HIVEP1: variants seen among roughly 807,000 people sequenced by gnomAD.
HIVEP1 encodes the protein zinc finger protein 40.
HIVEP1 carries 36 observed loss-of-function variants against 180.0 expected under a neutral mutation model. That is an observed-to-expected ratio of 0.20 (90% confidence interval 0.15 to 0.26). The LOEUF is 0.26. HIVEP1 is among the 10% of genes least tolerant of loss of function. The pLI, the probability that HIVEP1 is intolerant of heterozygous loss-of-function variation, is 1.00. For synonymous variants in HIVEP1, 1,239 were observed against 1,239.0 expected, an observed-to-expected ratio of 1.00 and a Z score of 0.00; for missense variants, 3,143 against 3,268.7, an observed-to-expected ratio of 0.96 and a Z score of 0.94.
intron 2 of HIVEP1, among the ~76,000 whole-genome samples, chr6:12,017,597 A>T (rs564162411): frequency 1.3e-3 from 204 of 152,224 alleles, no homozygotes; most frequent in African/African-American, 4.7e-3. Context: ...CATCCTGCTG[A>T]TTGGTCCGTT....
chr6:12,209,229 C>T, the HIVEP1 span, among the ~76,000 whole-genome samples: 1 of 152,130 alleles, frequency 6.6e-6, no homozygotes, highest in Non-Finnish European at 1.5e-5. Flanking sequence ...GTCAGGAGAT[C>T]GAGACCATCC....
At chr6:12,166,000 A>T (rs912669677), downstream of HIVEP1, among the ~76,000 whole-genome samples, 1 of 152,230 alleles carries the variant, frequency 6.6e-6, no homozygotes, top group African/African-American at 2.4e-5. Flanking sequence ...TTACATTTAC[A>T]TATTTCCATA....
At chr6:12,202,882 TC>T in the HIVEP1 span, among the ~76,000 whole-genome samples, 1 of 152,166 alleles carries the variant, frequency 6.6e-6, no homozygotes, top group East Asian at 1.9e-4. Context: ...AATTCCCTCT[TC>T]TTTCAATTGT....
the HIVEP1 span, among the ~76,000 whole-genome samples, chr6:12,186,964 C>T: frequency 6.6e-6 from 1 of 150,560 alleles, no homozygotes; most frequent in South Asian, 2.1e-4. Flanking sequence ...AAATCTGGAA[C>T]TAAAAAAGTC....
chr6:12,167,426 A>G (rs1294159558), downstream of HIVEP1, among the ~76,000 whole-genome samples: 1 of 151,214 alleles, frequency 6.6e-6, no homozygotes, highest in African/African-American at 2.4e-5. Context: ...ATAAATTCTA[A>G]ATACAGCATG....
At chr6:12,047,269 C>T (rs572957449) in intron 2 of HIVEP1, among the ~76,000 whole-genome samples, 6 of 152,308 alleles carry the variant, frequency 3.9e-5, no homozygotes, top group East Asian at 3.9e-4. Flanking sequence ...AGTCTTGTAA[C>T]GTTTTGGGAC....
At chr6:12,195,116 A>G in the HIVEP1 span, among the ~76,000 whole-genome samples, 1 of 152,248 alleles carries the variant, frequency 6.6e-6, no homozygotes, top group Non-Finnish European at 1.5e-5. Context: ...TGTTAGAAAT[A>G]CGTTTTCATC....
chr6:12,108,872 C>T (rs764733201), intron 3 of HIVEP1, among the ~76,000 whole-genome samples: 16 of 152,246 alleles, frequency 1.1e-4, no homozygotes, highest in Non-Finnish European at 1.8e-4. Context: ...TCCTCAGGTG[C>T]CGCCAAAGTG....
At chr6:12,115,420 C>T (rs2113480389) in intron 3 of HIVEP1, among the ~76,000 whole-genome samples, 1 of 142,118 alleles carries the variant, frequency 7.0e-6, no homozygotes, top group Admixed American at 7.2e-5. Context: ...TTCTTGACTC[C>T]CTAACTGATG....
At chr6:12,182,029 T>C in the HIVEP1 span, among the ~76,000 whole-genome samples, 2 of 152,180 alleles carry the variant, frequency 1.3e-5, no homozygotes, top group Non-Finnish European at 2.9e-5. Flanking sequence ...ATATCCAAAT[T>C]CATTATTCTG....
intron 2 of HIVEP1, among the ~76,000 whole-genome samples, chr6:12,041,148 A>G (rs1769665433): frequency 6.6e-6 from 1 of 152,124 alleles, no homozygotes; most frequent in African/African-American, 2.4e-5. Context: ...AGCCGGGCGC[A>G]GTGTGGCTCA....
At chr6:12,024,849 A>G (rs1479363803) in intron 2 of HIVEP1, among the ~76,000 whole-genome samples, 1 of 152,218 alleles carries the variant, frequency 6.6e-6, no homozygotes, top group Non-Finnish European at 1.5e-5. Context: ...CTCTGAGAGA[A>G]TTACACATTT....
At chr6:12,027,468 A>G (rs1476115926) in intron 2 of HIVEP1, among the ~76,000 whole-genome samples, 1 of 152,222 alleles carries the variant, frequency 6.6e-6, no homozygotes, top group East Asian at 1.9e-4. Flanking sequence ...TCTCAACCCA[A>G]AAGGATTAGA....
At chr6:12,167,938 A>G (rs1253814846), downstream of HIVEP1, among the ~76,000 whole-genome samples, 1 of 96,334 alleles carries the variant, frequency 1.0e-5, no homozygotes, top group Non-Finnish European at 2.2e-5. Context: ...CGTATATTAT[A>G]TATACATGTA....
intron 7 of HIVEP1, among the ~76,000 whole-genome samples, chr6:12,145,354 C>A (rs747794632): frequency 3.3e-5 from 5 of 151,780 alleles, no homozygotes; most frequent in Non-Finnish European, 7.4e-5. Flanking sequence ...AACATCACAC[C>A]CTGGGGCCTG....
intron 2 of HIVEP1, among the ~76,000 whole-genome samples, chr6:12,043,049 T>A (rs183829644): frequency 6.6e-6 from 1 of 152,350 alleles, no homozygotes; most frequent in African/African-American, 2.4e-5. Flanking sequence ...TAGTAACTTC[T>A]GATATATACT....
intron 7 of HIVEP1, 83 bp downstream of exon 7, chr6:12,135,975 A>C (rs941993345): frequency 2.8e-6 from 2 of 710,850 alleles, no homozygotes; most frequent in Non-Finnish European, 4.8e-6. Context: ...ATTCCCACTG[A>C]TTCTGCCTAA....
chr6:12,042,376 C>T (rs868107916), intron 2 of HIVEP1, among the ~76,000 whole-genome samples: 3 of 120,848 alleles, frequency 2.5e-5, no homozygotes, highest in East Asian at 2.5e-4. Context: ...CCACCGCACC[C>T]GGCCGCTTTT....
chr6:12,047,250 ATATGTGTAAGTCTTG>A (rs1427033080), intron 2 of HIVEP1, among the ~76,000 whole-genome samples: 3 of 152,218 alleles, frequency 2.0e-5, no homozygotes, highest in Admixed American at 6.5e-5. Context: ...ATGCCTACAA[ATATGTGTAAGTCTTG>A]TAACGTTTTG....
Sources: gnomAD v4.1 joint callset for allele counts (sites outside exome capture counted in the v4.1 genomes callset) on GRCh38, gnomAD v4.1.1 for gene constraint, MANE v1.5 for transcripts, NCBI Gene and HGNC (gene_info 2026-07-23, HGNC 2026-07-21) for gene names.